The following STK33 variants were observed in gnomAD, a reference collection of about 807,000 sequenced individuals.
STK33 encodes serine/threonine kinase 33.
STK33 carries 52 observed loss-of-function variants against 58.0 expected under a neutral mutation model. That is an observed-to-expected ratio of 0.90 (90% CI 0.72 to 1.13). STK33 has a LOEUF of 1.13. STK33 is among the 50% of genes most tolerant of loss of function. STK33 has a pLI of 0.00. For missense variants in STK33, 630 were observed against 604.2 expected (o/e 1.04, Z -0.45); for synonymous variants, 215 against 200.1 (o/e 1.07, Z -0.63).
At chr11:8,490,574 C>T (rs1000299000) in intron 1 of STK33, among the ~76,000 whole-genome samples, 13 of 152,182 alleles carry the variant, frequency 8.5e-5, no homozygotes, top group African/African-American at 2.7e-4. Flanking sequence ...GTGGTTCTCC[C>T]AGCATGGTGT....
In STK33 at chr11:8,395,566, C is replaced by G. The variant is rs144467360; in HGVS notation, c.1345-2856G>C. On this transcript the variant is annotated intron_variant, in intron 15 of 15. Transcript: ENST00000687296. Reference sequence around the variant, plus strand: ...TACAAATAGTAGCCAACTATAAACACTCTTTTACACCTTGACTTTTTTCAA... The same window carrying G: ...TACAAATAGTAGCCAACTATAAACAGTCTTTTACACCTTGACTTTTTTCAA... Among the ~76,000 whole-genome samples, 269 of 152,340 alleles carry G rather than the reference C, an allele frequency of 1.8e-3. 2 individuals carry two copies. The highest frequency in any genetic ancestry group is 6.2e-3 in the African/African-American group (258 of 41,576).
At chr11:8,357,110 C>T in the STK33 span, among the ~76,000 whole-genome samples, 1 of 152,378 alleles carries the variant, frequency 6.6e-6, no homozygotes, top group South Asian at 2.1e-4. Flanking sequence ...GGGCTGTCAT[C>T]AGACTCATTG....
At chr11:8,379,742 C>T in the STK33 span, among the ~76,000 whole-genome samples, 1 of 152,124 alleles carries the variant, frequency 6.6e-6, no homozygotes, top group Non-Finnish European at 1.5e-5. Flanking sequence ...GCCTAGTACC[C>T]ATTAGTTATT....
intron 11 of STK33, among the ~76,000 whole-genome samples, chr11:8,443,245 T>G (rs752469878): frequency 6.0e-4 from 91 of 152,230 alleles, no homozygotes; most frequent in Admixed American, 1.6e-3. Flanking sequence ...CACAAAAATA[T>G]CACATTTCAT....
Position 8,413,631 on chromosome 11 carries a change from T to C in STK33, c.1208A>G (p.Asn403Ser). 6.2e-7 allele frequency: 1 copy of C among 1,614,046 alleles called. No homozygotes were observed. Among genetic ancestry groups the C allele is most frequent in the South Asian group, 1.1e-5 (1 of 91,074 alleles). ...NVLEMMKEWK[N>S]NPESVEENTT... ...GTTTTCCTCAACACTTTCTGGGTTA[T>C]TTTTCCATTCCTTCATCATCTCTAA... is the stretch of plus-strand genomic sequence containing the variant. The change falls in exon 15 of 16, where the codon AAT becomes AGT. Residue 403 changes from asparagine (N) to serine (S), a missense_variant. Physicochemically the swap from Asn to Ser is conservative, Grantham distance 46. Transcript: ENST00000687296.
At chr11:8,473,639 A>T (rs7126013) in intron 5 of STK33, among the ~76,000 whole-genome samples, 5 of 151,990 alleles carry the variant, frequency 3.3e-5, no homozygotes, top group African/African-American at 1.2e-4. Flanking sequence ...ACAGCTTATA[A>T]GTAAATTATT....
chr11:8,417,910 C>T (rs1022217938), intron 14 of STK33, among the ~76,000 whole-genome samples: 9 of 152,010 alleles, frequency 5.9e-5, no homozygotes, highest in African/African-American at 2.2e-4. Flanking sequence ...TTCTCTCTGA[C>T]CAGTAAGTCC....
intron 14 of STK33, chr11:8,434,179 C>A: frequency 5.9e-6 from 1 of 169,114 alleles, no homozygotes; most frequent in Non-Finnish European, 1.2e-5. Context: ...ACCCAGGAGG[C>A]AGAGGTTGCA....
At chr11:8,385,836 G>A in the STK33 span, among the ~76,000 whole-genome samples, 7 of 151,606 alleles carry the variant, frequency 4.6e-5, no homozygotes, top group Non-Finnish European at 1.0e-4. Flanking sequence ...GTGCAGCGGC[G>A]CTATCTCCAC....
intron 14 of STK33, among the ~76,000 whole-genome samples, chr11:8,421,754 G>A (rs887786909): frequency 6.6e-6 from 1 of 152,060 alleles, no homozygotes; most frequent in African/African-American, 2.4e-5. Flanking sequence ...TCAATAAAAT[G>A]TTCTAACTTT....
At chr11:8,344,198 A>AACACACACACACACACACACACACAC in the STK33 span, among the ~76,000 whole-genome samples, 8 of 137,224 alleles carry the variant, frequency 5.8e-5, no homozygotes, top group Middle Eastern at 7.1e-3. Context: ...AAACAAACAA[A>AACACACACACACACACACACACACAC]ACACACACAC....
At chr11:8,423,331 A>T (rs572431188) in intron 14 of STK33, among the ~76,000 whole-genome samples, 1 of 151,814 alleles carries the variant, frequency 6.6e-6, no homozygotes, top group East Asian at 1.9e-4. Flanking sequence ...AAATTTTTAG[A>T]TATCATTAAT....
At chr11:8,412,660 G>A (rs1212331960) in intron 15 of STK33, among the ~76,000 whole-genome samples, 4 of 152,300 alleles carry the variant, frequency 2.6e-5, no homozygotes, top group South Asian at 2.1e-4. Flanking sequence ...GACTCCTCAC[G>A]AGAAGTCTGG....
chr11:8,583,154 T>G (rs1473269610), intron 1 of STK33, among the ~76,000 whole-genome samples: 1 of 152,208 alleles, frequency 6.6e-6, no homozygotes, highest in Admixed American at 6.5e-5. Flanking sequence ...CGTCTAGTCC[T>G]TCTTTAACAG....
At chr11:8,349,117 G>T in the STK33 span, among the ~76,000 whole-genome samples, 1 of 152,084 alleles carries the variant, frequency 6.6e-6, no homozygotes, top group Non-Finnish European at 1.5e-5. Context: ...CTGATCCCAC[G>T]GGTCATTTCC....
the STK33 span, among the ~76,000 whole-genome samples, chr11:8,374,611 G>A: frequency 1.3e-5 from 2 of 152,102 alleles, no homozygotes; most frequent in African/African-American, 4.8e-5. Flanking sequence ...TTGGCTCCAG[G>A]CCCCAAACTT....
chr11:8,380,178 G>A, the STK33 span, among the ~76,000 whole-genome samples: 1 of 152,156 alleles, frequency 6.6e-6, no homozygotes, highest in African/African-American at 2.4e-5. Context: ...TGGTATTTGT[G>A]TTTTTGGGTC....
chr11:8,381,547 G>A, the STK33 span, among the ~76,000 whole-genome samples: 2 of 152,110 alleles, frequency 1.3e-5, no homozygotes, highest in Non-Finnish European at 2.9e-5. Flanking sequence ...TTATCCCACA[G>A]TGAACATCCT....
At chr11:8,430,316 G>A (rs1943264926) in intron 14 of STK33, among the ~76,000 whole-genome samples, 1 of 151,904 alleles carries the variant, frequency 6.6e-6, no homozygotes, top group African/African-American at 2.4e-5. Context: ...ACTCCTACAT[G>A]AATTTCTATT....
Sources: allele counts gnomAD v4.1 joint callset (sites outside exome capture counted in the v4.1 genomes callset), GRCh38; gene constraint gnomAD v4.1.1; transcripts MANE v1.5; gene names NCBI Gene and HGNC (gene_info 2026-07-23, HGNC 2026-07-21).